FARP1: variants seen among roughly 807,000 people sequenced by gnomAD.
The protein encoded by FARP1 is FERM, ARH/RhoGEF and pleckstrin domain protein 1.
FARP1 carries 52 observed loss-of-function variants against 128.8 expected under a neutral mutation model. The ratio of observed to expected loss-of-function variants is 0.40; its 90% CI spans 0.32 to 0.51. The LOEUF is 0.51. Among genes scored for constraint, FARP1 ranks in the 20% least tolerant of loss-of-function variants. The pLI is 0.45. For synonymous variants in FARP1, 580 were observed against 551.8 expected (o/e 1.05, Z -0.72); for missense variants, 1,333 against 1,367.9 (o/e 0.97, Z 0.40).
At chr13:98,446,996 G>T in intron 26 of FARP1, 179 bp downstream of exon 26, 1 of 640,234 alleles carries the variant, frequency 1.6e-6, no homozygotes, top group Non-Finnish European at 2.7e-6. Flanking sequence ...GGCAGAAAGT[G>T]GGGTCCCAAC....
chr13:98,344,736 C>G (rs1177671963), intron 3 of FARP1, among the ~76,000 whole-genome samples: 1 of 152,178 alleles, frequency 6.6e-6, no homozygotes, highest in East Asian at 1.9e-4. Flanking sequence ...GAGCCTGGCT[C>G]TGAGCAGAGC....
At chr13:98,225,984 T>C (rs1291950052) in intron 2 of FARP1, among the ~76,000 whole-genome samples, 1 of 142,806 alleles carries the variant, frequency 7.0e-6, no homozygotes, top group Non-Finnish European at 1.6e-5. Flanking sequence ...GCCATAGCAT[T>C]GGGGGAGCAC....
chr13:98,322,064 G>A (rs1046130844), intron 2 of FARP1, among the ~76,000 whole-genome samples: 32 of 152,332 alleles, frequency 2.1e-4, no homozygotes, highest in African/African-American at 7.0e-4. Flanking sequence ...CTGGAAGGCC[G>A]AGGCTGGCGG....
intron 2 of FARP1, among the ~76,000 whole-genome samples, chr13:98,248,631 G>A (rs1179462568): frequency 6.6e-6 from 1 of 152,128 alleles, no homozygotes; most frequent in Admixed American, 6.5e-5. Flanking sequence ...CCCAAATCAA[G>A]CTTGTGGTGC....
chr13:98,420,959 C>T (rs1891571326), intron 16 of FARP1, among the ~76,000 whole-genome samples: 1 of 152,182 alleles, frequency 6.6e-6, no homozygotes, highest in Admixed American at 6.5e-5. Context: ...GGGCTGTGTC[C>T]TGTGTATTTG....
chr13:98,308,937 C>G (rs183399280), intron 2 of FARP1, among the ~76,000 whole-genome samples: 10 of 152,144 alleles, frequency 6.6e-5, no homozygotes, highest in Admixed American at 2.6e-4. Flanking sequence ...CTCAGCCCCC[C>G]ACCAAAGTGC....
chr13:98,252,539 G>C (rs1883391952), intron 2 of FARP1, among the ~76,000 whole-genome samples: 1 of 152,228 alleles, frequency 6.6e-6, no homozygotes, highest in African/African-American at 2.4e-5. Context: ...GGACAGGAGT[G>C]CCCTGGTGGC....
chr13:98,160,025 CT>C (rs1375983235), intron 1 of FARP1, among the ~76,000 whole-genome samples: 1 of 152,174 alleles, frequency 6.6e-6, no homozygotes, highest in Non-Finnish European at 1.5e-5. Context: ...TAAAGATGTA[CT>C]TTAGCTTCAC....
chr13:98,346,427 T>G (rs1888181831), intron 3 of FARP1, among the ~76,000 whole-genome samples: 2 of 149,144 alleles, frequency 1.3e-5, no homozygotes, highest in South Asian at 4.4e-4. Flanking sequence ...TGACCTCAGG[T>G]GATCCGCCCG....
chr13:98,313,664 C>T (rs551604210), intron 2 of FARP1, among the ~76,000 whole-genome samples: 12 of 152,328 alleles, frequency 7.9e-5, no homozygotes, highest in African/African-American at 2.9e-4. Flanking sequence ...GCTAAGGCTC[C>T]CCTCGCAGCC....
intron 13 of FARP1, chr13:98,396,351 C>G (rs897156855): frequency 1.5e-5 from 6 of 399,026 alleles, no homozygotes; most frequent in African/African-American, 1.2e-4. Flanking sequence ...TGCTGATCCC[C>G]GGGAGTCAGC....
chr13:98,209,608 C>T (rs1366751431), intron 1 of FARP1, among the ~76,000 whole-genome samples: 47 of 145,858 alleles, frequency 3.2e-4, no homozygotes, highest in African/African-American at 1.1e-3. Flanking sequence ...ACCAGCCTAG[C>T]CAACATGGTG....
At chr13:98,403,275 C>T (rs778876997) in intron 13 of FARP1, 3 of 152,208 alleles carry the variant, frequency 2.0e-5, no homozygotes, top group Non-Finnish European at 2.9e-5. Context: ...TCCAACAAGG[C>T]TTGCACTTTA....
chr13:98,223,152 C>A (rs1236931179), intron 2 of FARP1, among the ~76,000 whole-genome samples: 1 of 152,142 alleles, frequency 6.6e-6, no homozygotes, highest in Non-Finnish European at 1.5e-5. Flanking sequence ...AAGCAGGGAG[C>A]CCCCCAGGAG....
intron 4 of FARP1, among the ~76,000 whole-genome samples, chr13:98,365,894 GGTGT>G (rs55871546): frequency 6.7e-5 from 10 of 148,372 alleles, no homozygotes; most frequent in South Asian, 2.1e-4. Context: ...GTGTGTATGT[GGTGT>G]GTGTGTGTGT....
chr13:98,279,844 A>G (rs1884845773), intron 2 of FARP1, among the ~76,000 whole-genome samples: 1 of 152,198 alleles, frequency 6.6e-6, no homozygotes, highest in Non-Finnish European at 1.5e-5. Context: ...TTTGTGGGGT[A>G]TGACGTAGCT....
chr13:98,276,397 G>A (rs1338137263), intron 2 of FARP1, among the ~76,000 whole-genome samples: 1 of 152,088 alleles, frequency 6.6e-6, no homozygotes, highest in Non-Finnish European at 1.5e-5. Context: ...TTATGGAGTT[G>A]TTGATTCATA....
intron 2 of FARP1, among the ~76,000 whole-genome samples, chr13:98,217,581 T>C (rs1881151556): frequency 6.6e-6 from 1 of 152,194 alleles, no homozygotes; most frequent in Non-Finnish European, 1.5e-5. Context: ...AAGTGTGGGC[T>C]TCGTAGCTCG....
chr13:98,176,876 C>CCTT lies in FARP1; in HGVS notation c.-24+33387_-24+33389dup. On this transcript the variant is annotated intron_variant, in intron 1 of 26. Transcript: ENST00000319562. This position sits in a 1 kb window ranked among gnomAD's most constrained non-coding sequence, Gnocchi z 6.2. ...TTGAGGATGGTCGGCGTATGGTGCT[C>CCTT]CTTCTCGGTGTCCTGCTCGAAGTCA... The CCTT allele has an allele frequency of 6.2e-7, 1 of 1,607,842 alleles. No homozygotes were observed. The highest frequency in any genetic ancestry group is 1.3e-5 in the African/African-American group (1 of 75,012).
Sources: gnomAD v4.1 joint callset for allele counts (sites outside exome capture counted in the v4.1 genomes callset) on GRCh38, gnomAD v4.1.1 for gene constraint, Gnocchi (gnomAD v3.1) non-coding constraint, MANE v1.5 for transcripts, NCBI Gene and HGNC (gene_info 2026-07-23, HGNC 2026-07-21) for gene names.